The following ZFHX3 variants were observed in gnomAD, a reference collection of about 807,000 sequenced individuals.
ZFHX3 encodes zinc finger homeobox 3.
In ZFHX3, 42 loss-of-function variants were observed where a neutral mutation model predicts 279.1. The ratio of observed to expected loss-of-function variants is 0.15; its 90% confidence interval spans 0.12 to 0.19. The LOEUF is 0.19. Ranked by LOEUF, ZFHX3 falls within the 10% of genes least tolerant of loss-of-function variation. The probability of loss-of-function intolerance (pLI) is 1.00; values close to 1 mark genes in which losing one functional copy is unlikely to be tolerated. For synonymous variants in ZFHX3, 2,293 were observed against 1,957.8 expected (o/e 1.17, Z -4.52); for missense variants, 4,981 against 4,754.0 (o/e 1.05, Z -1.40).
At chr16:73,755,726 TG>T (rs1362011971) in intron 1 of ZFHX3, among the ~76,000 whole-genome samples, 1 of 152,234 alleles carries the variant, frequency 6.6e-6, no homozygotes, top group African/African-American at 2.4e-5. Context: ...AGCAAGAGCT[TG>T]GGGCTCAGCT....
At chr16:72,838,977 A>G (rs1023320588) in intron 4 of ZFHX3, among the ~76,000 whole-genome samples, 2 of 152,168 alleles carry the variant, frequency 1.3e-5, no homozygotes, top group Admixed American at 1.3e-4. Context: ...CGCTCTCGGA[A>G]TACACGCTAA....
chr16:73,010,557 C>T (rs1277919283), intron 1 of ZFHX3, among the ~76,000 whole-genome samples: 4 of 152,228 alleles, frequency 2.6e-5, no homozygotes, highest in African/African-American at 9.6e-5. Context: ...AGCCTCAGGG[C>T]AGAGCCTCCC....
chr16:73,804,752 A>C (rs953663883), intron 1 of ZFHX3, among the ~76,000 whole-genome samples: 5 of 152,042 alleles, frequency 3.3e-5, no homozygotes, highest in African/African-American at 7.2e-5. Flanking sequence ...AAAACTGTGA[A>C]TACTTCACCT....
At chr16:73,102,111 AC>A (rs1193669006) in intron 7 of ZFHX3, among the ~76,000 whole-genome samples, 3 of 151,746 alleles carry the variant, frequency 2.0e-5, no homozygotes, top group Non-Finnish European at 4.4e-5. Flanking sequence ...ACGAGGTTTT[AC>A]CATGTTGTCC....
intron 4 of ZFHX3, among the ~76,000 whole-genome samples, chr16:73,311,705 G>A (rs904506758): frequency 6.6e-6 from 1 of 151,536 alleles, no homozygotes; most frequent in Non-Finnish European, 1.5e-5. Flanking sequence ...TCTGAAATAC[G>A]ATAAGCATGA....
At chr16:73,239,084 A>T (rs567579336) in intron 5 of ZFHX3, among the ~76,000 whole-genome samples, 1 of 152,296 alleles carries the variant, frequency 6.6e-6, no homozygotes, top group South Asian at 2.1e-4. Context: ...TCTTCCCAGC[A>T]CCCAGCACAG....
chr16:73,785,550 G>T (rs1959615522), intron 1 of ZFHX3, among the ~76,000 whole-genome samples: 1 of 152,062 alleles, frequency 6.6e-6, no homozygotes, highest in Non-Finnish European at 1.5e-5. Context: ...GCCTCCTTCT[G>T]GTGTTCAATC....
In ZFHX3 at chr16:72,921,742, C is replaced by T. The variant is rs1482528872; in HGVS notation, c.3216+28727G>A. Among the ~76,000 whole-genome samples the T allele has an allele frequency of 5.9e-5, 9 of 152,306 alleles. No individual in the cohort carries two copies. The South Asian group carries it at 1.0e-3, about 18-fold the overall frequency. The stretch of plus-strand genomic sequence containing the variant: ...GAAAAGGGGGCAGTGCCTGGCTCGG[C>T]GCCCAGCGTGCTGCATGCTGGTTTC... On this transcript the variant is annotated intron_variant, in intron 3 of 9. Coordinates refer to ENST00000268489, the MANE Select transcript of ZFHX3 (RefSeq NM_006885.4).
chr16:72,959,889 G>A lies in ZFHX3; in HGVS notation c.257C>T (p.Ala86Val), dbSNP rs1395522860. Reference protein sequence around the residue: ...SKEVTCNECSASFASLQTYME... With the variant: ...SKEVTCNECSVSFASLQTYME... ...GTAGGTCTGGAGGCTGGCAAAGGAG[G>A]CCGAACATTCGTTGCAGGTGACCTC... The change falls in exon 2 of 10, where the codon GCC becomes GTC. Residue 86 changes from alanine (A) to valine (V), a missense_variant. Ala to Val is a moderately conservative substitution (Grantham distance 64). Coordinates refer to ENST00000268489, the MANE Select transcript of ZFHX3 (RefSeq NM_006885.4). The A allele has an allele frequency of 1.2e-6, 2 of 1,603,308 alleles. No individual in the cohort carries two copies. The highest frequency in any genetic ancestry group is 1.7e-6 in the Non-Finnish European group (2 of 1,173,794).
At chr16:73,709,030 C>T (rs1300521728) in intron 1 of ZFHX3, among the ~76,000 whole-genome samples, 1 of 152,038 alleles carries the variant, frequency 6.6e-6, no homozygotes, top group Non-Finnish European at 1.5e-5. Context: ...TTTGGGGTGT[C>T]ATTTCCTGAC....
chr16:73,629,643 T>C (rs1050136275), intron 2 of ZFHX3, among the ~76,000 whole-genome samples: 1 of 150,068 alleles, frequency 6.7e-6, no homozygotes, highest in African/African-American at 2.5e-5. Flanking sequence ...TGACATGAAG[T>C]TAAAAAAAAA....
rs749213773 is a variant in ZFHX3, at chr16:72,794,529, G to A, written c.8153C>T (p.Ala2718Val). ...QAHRRCPFCR[A>V]LFKAKTALEA... ...AAGAGCAGTCTTGGCTTTGAAGAGC[G>A]CTCTGCAAAAAGGGCATCTCCTGTG... The change falls in exon 9 of 10, where the codon GCG (alanine) becomes GTG (valine). Residue 2718 changes from alanine to valine, a missense_variant. Transcript: ENST00000268489. This position sits in a 1 kb window ranked among gnomAD's most constrained non-coding sequence, Gnocchi z 4.2. 25 of 1,614,058 alleles carry A rather than the reference G, an allele frequency of 1.5e-5. No homozygotes were observed. Among genetic ancestry groups the A allele is most frequent in the Admixed American group, 5.0e-5 (3 of 60,012 alleles).
At chr16:73,678,926 G>A (rs1009008981) in intron 2 of ZFHX3, among the ~76,000 whole-genome samples, 45 of 152,204 alleles carry the variant, frequency 3.0e-4, no homozygotes, top group African/African-American at 1.1e-3. Flanking sequence ...ATGCAGATGC[G>A]GTTCTGCTAA....
intron 1 of ZFHX3, among the ~76,000 whole-genome samples, chr16:73,848,055 G>A (rs912288805): frequency 1.3e-5 from 2 of 151,724 alleles, no homozygotes; most frequent in African/African-American, 4.8e-5. Context: ...CACCGCGCCC[G>A]GCCAATATTT....
intron 2 of ZFHX3, among the ~76,000 whole-genome samples, chr16:73,496,205 C>T (rs980834253): frequency 1.3e-5 from 2 of 152,222 alleles, no homozygotes; most frequent in Non-Finnish European, 1.5e-5. Flanking sequence ...AAACAAAAGA[C>T]GCACCCAATG....
Position 72,788,317 on chromosome 16 carries a change from G to GC in ZFHX3, c.9958dup (p.Ala3320GlyfsTer111), listed in dbSNP as rs1439335213. 1 of 1,614,086 alleles carries GC rather than the reference G, an allele frequency of 6.2e-7. No homozygotes were observed. The highest frequency in any genetic ancestry group is 8.5e-7 in the Non-Finnish European group (1 of 1,180,046). ...CTGCAGGGCGCCAGGGATCTGGGGAGCATAATAAGGAGAAAAGCCTGGTAC... is the reference window on the plus strand; with the variant it reads ...CTGCAGGGCGCCAGGGATCTGGGGAGCCATAATAAGGAGAAAAGCCTGGTAC... On this transcript the variant is annotated frameshift_variant, in exon 10 of 10. Coordinates refer to ENST00000268489, the MANE Select transcript of ZFHX3 (RefSeq NM_006885.4). LOFTEE classifies it high-confidence loss of function.
intron 3 of ZFHX3, among the ~76,000 whole-genome samples, chr16:73,445,693 C>G (rs540355056): frequency 2.4e-4 from 37 of 152,326 alleles, no homozygotes; most frequent in African/African-American, 8.9e-4. Flanking sequence ...CTTCCAACTT[C>G]TGGAGTCTCA....
At chr16:73,669,427 G>A (rs942837006) in intron 2 of ZFHX3, among the ~76,000 whole-genome samples, 2 of 152,196 alleles carry the variant, frequency 1.3e-5, no homozygotes, top group Non-Finnish European at 2.9e-5. Flanking sequence ...ATCTCTAGAT[G>A]ACCTTCTAAA....
intron 1 of ZFHX3, among the ~76,000 whole-genome samples, chr16:73,731,466 GTTTTT>G (rs112578865): frequency 6.9e-6 from 1 of 145,390 alleles, no homozygotes; most frequent in Non-Finnish European, 1.5e-5. Flanking sequence ...TAAAAAGGGT[GTTTTT>G]TTTTTTGTTA....
Sources: allele counts gnomAD v4.1 joint callset (sites outside exome capture counted in the v4.1 genomes callset), GRCh38; gene constraint gnomAD v4.1.1; non-coding constraint Gnocchi (gnomAD v3.1); transcripts MANE v1.5; gene names NCBI Gene and HGNC (gene_info 2026-07-23, HGNC 2026-07-21).